The following GAS2 variants were observed in gnomAD, a reference collection of about 807,000 sequenced individuals.
The protein encoded by GAS2 is growth arrest specific 2.
Under a neutral mutation model 37.5 loss-of-function variants are expected in GAS2, and 20 were observed. The ratio of observed to expected loss-of-function variants is 0.53; its 90% CI spans 0.37 to 0.77. The LOEUF is 0.77. Among genes scored for constraint, GAS2 ranks in the 30% least tolerant of loss-of-function variants. The probability of loss-of-function intolerance (pLI) is 0.00; values close to 1 mark genes in which losing one functional copy is unlikely to be tolerated. For missense variants in GAS2, 336 were observed against 373.4 expected (o/e 0.90, Z 0.82); for synonymous variants, 144 against 132.2 (o/e 1.09, Z -0.61).
At chr11:22,715,127 C>G (rs1453856090) in intron 3 of GAS2, among the ~76,000 whole-genome samples, 1 of 152,000 alleles carries the variant, frequency 6.6e-6, no homozygotes, top group Non-Finnish European at 1.5e-5. Flanking sequence ...ATGAGATTAA[C>G]CAAGAAAAGA....
At chr11:22,769,661 G>A (rs2134418624) in intron 7 of GAS2, among the ~76,000 whole-genome samples, 1 of 152,334 alleles carries the variant, frequency 6.6e-6, no homozygotes, top group Middle Eastern at 3.4e-3. Context: ...TTGTCATCCT[G>A]ATGCTTAGTC....
At chr11:22,715,146 G>T (rs191098199) in intron 3 of GAS2, among the ~76,000 whole-genome samples, 1 of 152,088 alleles carries the variant, frequency 6.6e-6, no homozygotes, top group Non-Finnish European at 1.5e-5. Flanking sequence ...GAAGAGATAC[G>T]TTCCAAATAA....
At position 22,726,428 on chromosome 11, in the gene GAS2, G is replaced by C; in HGVS notation, c.404G>C (p.Gly135Ala). The C allele has an allele frequency of 6.2e-7, 1 of 1,611,046 alleles. No homozygotes were observed. Among genetic ancestry groups the C allele is most frequent in the Non-Finnish European group, 8.5e-7 (1 of 1,178,476 alleles). Residue 135 changes from glycine to alanine, a missense_variant, in exon 4 of 8, where the codon GGT becomes GCT. Physicochemically the swap from Gly to Ala is moderately conservative, Grantham distance 60. Transcript: ENST00000454584. ...GAAACGTGTCTATTTGAATCGGAAG[G>C]TTTGGGTATGTATTAACTTCAGAAT... Reference protein sequence around the residue: ...VDETCLFESEGLVLHKQPREV... With the variant: ...VDETCLFESEALVLHKQPREV...
At chr11:22,645,518 TATAC>T (rs1484429476) in intron 1 of GAS2, among the ~76,000 whole-genome samples, 3 of 151,086 alleles carry the variant, frequency 2.0e-5, no homozygotes, top group Non-Finnish European at 4.4e-5. Flanking sequence ...TATATATATA[TATAC>T]ACACACACAC....
rs541953025 is a variant in GAS2, at chr11:22,699,572, G to T, written c.267+13783G>T. ...CAGTCATTTCACAGTACCACTGTTA[G>T]GGTGAATAATTTCAGACATTTTTAG... On this transcript the variant is annotated intron_variant, in intron 3 of 7. Coordinates refer to ENST00000454584, the MANE Select transcript of GAS2 (RefSeq NM_001143830.3). 9.2e-5 allele frequency among the ~76,000 whole-genome samples: 14 copies of T among 152,240 alleles called. No individual in the cohort carries two copies. In the South Asian group the frequency reaches 1.7e-3, roughly 18 times the overall value.
chr11:22,755,369 TAAAA>T (rs1207569943), intron 6 of GAS2, among the ~76,000 whole-genome samples: 1 of 151,982 alleles, frequency 6.6e-6, no homozygotes. Flanking sequence ...ATAGTCTCCT[TAAAA>T]AAACAACTTG....
At chr11:22,741,516 T>A (rs1480165237) in intron 5 of GAS2, among the ~76,000 whole-genome samples, 1 of 152,104 alleles carries the variant, frequency 6.6e-6, no homozygotes, top group Non-Finnish European at 1.5e-5. Flanking sequence ...AGTGGTATAG[T>A]GGAGTTTTTT....
At chr11:22,671,068 A>T (rs1849179531) in intron 1 of GAS2, among the ~76,000 whole-genome samples, 1 of 152,088 alleles carries the variant, frequency 6.6e-6, no homozygotes, top group South Asian at 2.1e-4. Flanking sequence ...TTCAGCTGGG[A>T]TTCTGGGACA....
chr11:22,739,012 T>G (rs1444706553), intron 5 of GAS2, among the ~76,000 whole-genome samples: 1 of 152,200 alleles, frequency 6.6e-6, no homozygotes, highest in African/African-American at 2.4e-5. Flanking sequence ...TGGGAAGGCC[T>G]CTGGGGGAGA....
intron 1 of GAS2, among the ~76,000 whole-genome samples, chr11:22,637,431 AATAGT>A (rs1205029930): frequency 2.0e-5 from 1 of 50,834 alleles, no homozygotes; most frequent in African/African-American, 1.2e-4. Flanking sequence ...TAATTATATT[AATAGT>A]ATACTTAATA....
intron 7 of GAS2, among the ~76,000 whole-genome samples, chr11:22,758,366 C>T (rs887705367): frequency 5.9e-5 from 9 of 152,134 alleles, no homozygotes; most frequent in Non-Finnish European, 8.8e-5. Context: ...CTGCCTAATA[C>T]GGTCATATTT....
intron 1 of GAS2, among the ~76,000 whole-genome samples, chr11:22,639,043 G>A (rs1052464966): frequency 3.3e-5 from 5 of 152,078 alleles, no homozygotes; most frequent in East Asian, 1.9e-4. Flanking sequence ...GAGCAAGCTG[G>A]AACAATTGTT....
At chr11:22,766,349 T>C (rs949189479) in intron 7 of GAS2, among the ~76,000 whole-genome samples, 15 of 152,092 alleles carry the variant, frequency 9.9e-5, no homozygotes, top group African/African-American at 2.7e-4. Context: ...TTGTCAGAGA[T>C]TACACAGTAA....
In GAS2 at chr11:22,635,572, C is replaced by G. The variant is rs140486481; in HGVS notation, c.-21+9759C>G. ...TAAAGGTGGCTTTCAAGCCACACCC[C>G]TCCCTGTCGGCCTGCAGACCTGGAG... On this transcript the variant is annotated intron_variant, in intron 1 of 5. Transcript: ENST00000528582. Among the ~76,000 whole-genome samples the G allele has an allele frequency of 4.7e-4, 72 of 152,350 alleles. No individual in the cohort carries two copies. The East Asian group carries it at 0.013, about 28-fold the overall frequency.
At chr11:22,691,109 G>A (rs1011195109) in intron 3 of GAS2, among the ~76,000 whole-genome samples, 8 of 152,032 alleles carry the variant, frequency 5.3e-5, no homozygotes, top group Non-Finnish European at 8.8e-5. Flanking sequence ...TGAAGCAGAT[G>A]AAGGAGGGGG....
chr11:22,626,534 A>G (rs1484310193), intron 1 of GAS2: 1 of 153,076 alleles, frequency 6.5e-6, no homozygotes, highest in East Asian at 1.9e-4. Context: ...GCATCGAACA[A>G]TAATAAATGT....
At chr11:22,756,764 A>G (rs935273142) in intron 7 of GAS2, among the ~76,000 whole-genome samples, 2 of 152,154 alleles carry the variant, frequency 1.3e-5, no homozygotes, top group Non-Finnish European at 2.9e-5. Flanking sequence ...TTAAATTTCC[A>G]GGAAATAATT....
At chr11:22,757,933 A>G (rs922355809) in intron 7 of GAS2, among the ~76,000 whole-genome samples, 1 of 152,140 alleles carries the variant, frequency 6.6e-6, no homozygotes, top group Admixed American at 6.5e-5. Flanking sequence ...TTAAAATTTC[A>G]TAGGCAGGTC....
At chr11:22,689,704 A>G (rs767919742) in intron 3 of GAS2, among the ~76,000 whole-genome samples, 4 of 152,228 alleles carry the variant, frequency 2.6e-5, no homozygotes, top group African/African-American at 7.2e-5. Context: ...ACAATAATGG[A>G]TTCACTACAA....
Sources: gnomAD v4.1 joint callset for allele counts (sites outside exome capture counted in the v4.1 genomes callset) on GRCh38, gnomAD v4.1.1 for gene constraint, MANE v1.5 for transcripts, NCBI Gene and HGNC (gene_info 2026-07-23, HGNC 2026-07-21) for gene names.